The following TUBGCP2 variants were observed in gnomAD, a reference collection of about 807,000 sequenced individuals.
The protein encoded by TUBGCP2 is gamma-tubulin complex component 2.
A neutral mutation model predicts 92.2 loss-of-function variants in TUBGCP2; 55 were observed. That is an observed-to-expected ratio of 0.60 (90% CI 0.48 to 0.75). TUBGCP2 has a LOEUF of 0.75. TUBGCP2 is among the 30% of genes least tolerant of loss of function. The probability of loss-of-function intolerance (pLI) is 0.00; values close to 1 mark genes in which losing one functional copy is unlikely to be tolerated. For missense variants in TUBGCP2, 1,093 were observed against 1,188.9 expected (o/e 0.92, Z 1.19); for synonymous variants, 533 against 505.2 (o/e 1.06, Z -0.74).
intron 4 of TUBGCP2, among the ~76,000 whole-genome samples, chr10:133,298,847 T>C (rs1847555598): frequency 6.6e-6 from 1 of 152,182 alleles, no homozygotes; most frequent in African/African-American, 2.4e-5. Flanking sequence ...GCCGCTGCAC[T>C]CAACACGCAC....
upstream of TUBGCP2, chr10:133,309,944 G>C: frequency 6.2e-7 from 1 of 1,613,330 alleles, no homozygotes; most frequent in Non-Finnish European, 8.5e-7. Flanking sequence ...GGCACGATTC[G>C]CTCTTCCAGA....
At chr10:133,290,395 A>C (rs1282303447) in intron 8 of TUBGCP2, 1 of 159,502 alleles carries the variant, frequency 6.3e-6, no homozygotes, top group African/African-American at 2.4e-5. Context: ...TGGGAGGTTA[A>C]GGCAGGGGAA....
upstream of TUBGCP2, chr10:133,311,808 C>T: frequency 6.2e-7 from 1 of 1,613,364 alleles, no homozygotes; most frequent in Non-Finnish European, 8.5e-7. Flanking sequence ...GCCTCCCCTG[C>T]ACCGGCAGGT....
chr10:133,294,954 C>T (rs933648411), intron 5 of TUBGCP2, among the ~76,000 whole-genome samples: 2 of 152,312 alleles, frequency 1.3e-5, no homozygotes, highest in African/African-American at 2.4e-5. Context: ...TGTGGCTTGG[C>T]GTTTTGGGAA....
At position 133,300,338 on chromosome 10, in the gene TUBGCP2, G is replaced by A. The variant is rs543803743; in HGVS notation, c.151-225C>T. On this transcript the variant is annotated intron_variant, in intron 2 of 17. Transcript: ENST00000252936. Reference sequence around the variant, plus strand: ...TGACTGTAATCCCAGCACTTTGGGAGGCCGAGGCTGGTAGACTGCTTGAGT... The same window carrying A: ...TGACTGTAATCCCAGCACTTTGGGAAGCCGAGGCTGGTAGACTGCTTGAGT... 143 of 449,938 alleles carry A rather than the reference G, an allele frequency of 3.2e-4. No individual in the cohort carries two copies. In the East Asian group the frequency reaches 5.5e-3, roughly 17 times the overall value. 27.9% of individuals were successfully genotyped at this position (449,938 alleles called of 1,614,324 possible).
intron 11 of TUBGCP2, among the ~76,000 whole-genome samples, chr10:133,287,200 G>A (rs1364870021): frequency 6.6e-6 from 1 of 152,136 alleles, no homozygotes; most frequent in Non-Finnish European, 1.5e-5. Flanking sequence ...ACAGACAGCC[G>A]ACCAAGAGGA....
At chr10:133,304,377 C>A (rs1290046184) in intron 1 of TUBGCP2, among the ~76,000 whole-genome samples, 1 of 152,046 alleles carries the variant, frequency 6.6e-6, no homozygotes, top group African/African-American at 2.4e-5. Context: ...ACATGCTTCA[C>A]AAACATTTCA....
intron 7 of TUBGCP2, 130 bp downstream of exon 7, chr10:133,292,909 T>A (rs1387793085): frequency 8.5e-7 from 1 of 1,171,022 alleles, no homozygotes; most frequent in Non-Finnish European, 1.2e-6. Flanking sequence ...TGGAGCAACA[T>A]GAGCTTTGGC....
chr10:133,284,021 G>GGAGGACA lies in TUBGCP2; in HGVS notation c.2025-26_2025-20dup. 6.2e-7 allele frequency: 1 copy of GGAGGACA among 1,611,950 alleles called. No homozygotes were observed. Among genetic ancestry groups the GGAGGACA allele is most frequent in the South Asian group, 1.1e-5 (1 of 90,948 alleles). ...AGCAAACCTGAGTGACACGGAGGACGGAGGACAGCCATGGAGGACGCGGCC... is the reference window on the plus strand; with the variant it reads ...AGCAAACCTGAGTGACACGGAGGACGGAGGACAGAGGACAGCCATGGAGGACGCGGCC... On this transcript the variant is annotated intron_variant, in intron 13 of 17. Transcript: ENST00000252936.
intron 5 of TUBGCP2, among the ~76,000 whole-genome samples, chr10:133,294,215 C>T (rs950194387): frequency 4.6e-5 from 7 of 152,248 alleles, no homozygotes; most frequent in Non-Finnish European, 7.3e-5. Flanking sequence ...GAGGATGAGA[C>T]GGCTGCAGGA....
upstream of TUBGCP2, chr10:133,311,735 C>G: frequency 6.2e-7 from 1 of 1,613,562 alleles, no homozygotes; most frequent in Non-Finnish European, 8.5e-7. Flanking sequence ...AGCAGAAGCC[C>G]CAGGGGACAG....
At position 133,281,395 on chromosome 10, in the gene TUBGCP2, G is replaced by A. The variant is rs768177523; in HGVS notation, c.2451C>T (p.Gly817=). 1.2e-6 allele frequency: 2 copies of A among 1,613,622 alleles called. No individual in the cohort carries two copies. The highest frequency in any genetic ancestry group is 1.7e-6 in the Non-Finnish European group (2 of 1,180,022). Residue 817 remains glycine (G), a synonymous_variant, in exon 17 of 18, where the codon GGC becomes GGT. Coordinates refer to ENST00000252936, the MANE Select transcript of TUBGCP2 (RefSeq NM_006659.4). ...EHADTVQLVS[G]FEATINKFDK... is the part of the protein sequence containing the mutation. ...CAAACTTGTTGATGGTGGCCTCGAA[G>A]CCGGACACCAGCTGCACAGTGTCTG...
At chr10:133,280,018 T>C in intron 17 of TUBGCP2, 117 bp from the exon 18 acceptor site, 1 of 1,458,826 alleles carries the variant, frequency 6.9e-7, no homozygotes, top group Non-Finnish European at 9.2e-7. Flanking sequence ...GGGTGCGTGC[T>C]GGGCAGCAGG....
chr10:133,280,022 C>T, intron 17 of TUBGCP2, 121 bp from the exon 18 acceptor site: 3 of 1,444,570 alleles, frequency 2.1e-6, no homozygotes, highest in Non-Finnish European at 2.8e-6. Context: ...GCGTGCTGGG[C>T]AGCAGGGGTG....
chr10:133,282,307 C>A lies in TUBGCP2; in HGVS notation c.2325G>T (p.Leu775=). ...TGCTGTGCTCCAGCGTCTGCCCGCC[C>A]AGCTCGCCATCTAATTTCATGCTCT... The part of the protein sequence containing the change: ...FTQSMKLDGE[L]GGQTLEHSTV... The change falls in exon 16 of 18, where the codon CTG becomes CTT. Residue 775 remains leucine, a synonymous_variant. Transcript: ENST00000252936. 1 of 1,606,068 alleles carries A rather than the reference C, an allele frequency of 6.2e-7. No homozygotes were observed. Among genetic ancestry groups the A allele is most frequent in the Non-Finnish European group, 8.5e-7 (1 of 1,174,868 alleles).
In TUBGCP2 at chr10:133,281,253, C is replaced by T. The variant is rs370415781; in HGVS notation, c.2573+20G>A. ...TGGACTGAGCTGAGGAAGGGCTGAG[C>T]CGGGGTGGCGCCCACCCACCTGGAG... is the stretch of plus-strand genomic sequence containing the variant. On this transcript the variant is annotated intron_variant, in intron 17 of 17. Transcript: ENST00000252936. 1.9e-6 allele frequency: 3 copies of T among 1,606,114 alleles called. No individual in the cohort carries two copies. The highest frequency in any genetic ancestry group is 2.2e-5 in the South Asian group (2 of 90,932).
chr10:133,293,292 A>G (rs1018742384), intron 6 of TUBGCP2, 54 bp from the exon 7 acceptor site: 12 of 1,574,414 alleles, frequency 7.6e-6, no homozygotes, highest in Non-Finnish European at 1.0e-5. Flanking sequence ...GGCACATACA[A>G]TGTCCGATAT....
At position 133,285,508 on chromosome 10, in the gene TUBGCP2, C is replaced by G. The variant is rs1449999247; in HGVS notation, c.1843G>C (p.Ala615Pro). The change falls in exon 12 of 18, where the codon GCC (alanine) becomes CCC (proline). Residue 615 changes from alanine (A) to proline (P), a missense_variant. By Grantham distance (27) the Ala-to-Pro change is conservative (BLOSUM62 -1). Coordinates refer to ENST00000252936, the MANE Select transcript of TUBGCP2 (RefSeq NM_006659.4). The surrounding 1 kb of genome is among the most constrained non-coding windows in gnomAD (Gnocchi z 6.8). Reference sequence around the variant, plus strand: ...TTGACGATGTAGTCGAAAGAGAAGGCCTCCAGGCCGCTCAGCGCCAGCTCC... The same window carrying G: ...TTGACGATGTAGTCGAAAGAGAAGGGCTCCAGGCCGCTCAGCGCCAGCTCC... ...PTELALSGLEAFSFDYIVKWP... is the reference protein window; with the variant it reads ...PTELALSGLEPFSFDYIVKWP... The G allele has an allele frequency of 3.7e-6, 6 of 1,608,662 alleles. No homozygotes were observed. The South Asian group carries it at 6.6e-5, about 18-fold the overall frequency.
In TUBGCP2 at chr10:133,299,223, TA is replaced by T. The variant is rs900203795; in HGVS notation, c.456+203del. 2.7e-5 allele frequency among the ~76,000 whole-genome samples: 4 copies of T among 148,834 alleles called. No individual in the cohort carries two copies. In the East Asian group the frequency reaches 5.9e-4, roughly 22 times the overall value. The stretch of plus-strand genomic sequence containing the variant: ...ATTCTTGTGGTCCAGAATTCTTGGT[TA>T]AAAAAAAAACTAAACATATAGAGCT... On this transcript the variant is annotated intron_variant, in intron 4 of 17. Coordinates refer to ENST00000252936, the MANE Select transcript of TUBGCP2 (RefSeq NM_006659.4).
Sources: gnomAD v4.1 joint callset for allele counts (sites outside exome capture counted in the v4.1 genomes callset) on GRCh38, gnomAD v4.1.1 for gene constraint, Gnocchi (gnomAD v3.1) non-coding constraint, MANE v1.5 for transcripts, NCBI Gene and HGNC (gene_info 2026-07-23, HGNC 2026-07-21) for gene names.